The following DLGAP5 variants were observed in gnomAD, a reference collection of about 807,000 sequenced individuals.
The protein encoded by DLGAP5 is disks large-associated protein 5.
Under a neutral mutation model 99.6 loss-of-function variants are expected in DLGAP5, and 90 were observed. The ratio of observed to expected loss-of-function variants is 0.90; its 90% CI spans 0.76 to 1.08. The LOEUF (loss-of-function observed/expected upper bound fraction) is 1.08, where lower values mean the gene tolerates loss of function less well. Ranked by LOEUF, DLGAP5 falls within the 50% of genes least tolerant of loss-of-function variation. DLGAP5 has a pLI of 0.00. For missense variants in DLGAP5, 1,036 were observed against 983.5 expected (o/e 1.05, Z -0.71); for synonymous variants, 311 against 321.3 (o/e 0.97, Z 0.34).
At position 55,187,159 on chromosome 14, in the gene DLGAP5, C is replaced by T. The variant is rs561062669; in HGVS notation, c.238+1783G>A. On this transcript the variant is annotated intron_variant, in intron 2 of 18. Transcript: ENST00000247191. ...GACCTCGTGATCCACTCACCTTAGCCTGGGGTACTGGGATTATAGGTATGA... is the reference window on the plus strand; with the variant it reads ...GACCTCGTGATCCACTCACCTTAGCTTGGGGTACTGGGATTATAGGTATGA... Among the ~76,000 whole-genome samples, 5 of 152,006 alleles carry T rather than the reference C, an allele frequency of 3.3e-5. No individual in the cohort carries two copies. The South Asian group carries it at 1.0e-3, about 32-fold the overall frequency.
chr14:55,168,201 T>C (rs749297814), intron 12 of DLGAP5, among the ~76,000 whole-genome samples: 1 of 152,130 alleles, frequency 6.6e-6, no homozygotes, highest in Non-Finnish European at 1.5e-5. Flanking sequence ...GATCCTCCCA[T>C]CTCAGCCTCC....
Position 55,177,139 on chromosome 14 carries a change from T to G in DLGAP5, c.972A>C (p.Gln324His), listed in dbSNP as rs8010791. Reference sequence around the variant, plus strand: ...CACTTCTGGGAGTCATAGGTGTTACTTGATAGGTCTTCAGACCATCCAGTG... The same window carrying G: ...CACTTCTGGGAGTCATAGGTGTTACGTGATAGGTCTTCAGACCATCCAGTG... ...FQPLDGLKTY[Q>H]VTPMTPRSAN... is the part of the protein sequence containing the mutation. The change falls in exon 8 of 19, where the codon CAA becomes CAC. Residue 324 changes from glutamine to histidine, a missense_variant. Gln to His is a conservative substitution (Grantham distance 24, BLOSUM62 0). Transcript: ENST00000247191. 0.026 allele frequency: 40,777 copies of G among 1,598,992 alleles called. 2,984 individuals are homozygous for G. The highest frequency in any genetic ancestry group is 0.25 in the African/African-American group (18,852 of 74,062).
Position 55,154,699 on chromosome 14 carries a change from T to C in DLGAP5, c.1981A>G (p.Thr661Ala), listed in dbSNP as rs759308831. ...TGAGGACCGGCATTTTCTGGTGATG[T>C]AGTTTGTTGTGGAATGCCCATCTCA... The part of the protein sequence containing the change: ...RNEMGIPQQT[T>A]SPENAGPQNT... The change falls in exon 15 of 19, where the codon ACA becomes GCA. Residue 661 changes from threonine to alanine, a missense_variant. Coordinates refer to ENST00000247191, the MANE Select transcript of DLGAP5 (RefSeq NM_014750.5). The C allele has an allele frequency of 1.2e-6, 2 of 1,614,124 alleles. No individual in the cohort carries two copies. The highest frequency in any genetic ancestry group is 1.7e-6 in the Non-Finnish European group (2 of 1,179,988).
Position 55,151,827 on chromosome 14 carries a change from A to T in DLGAP5, c.2236T>A (p.Ser746Thr), listed in dbSNP as rs554990547. 1 of 1,614,028 alleles carries T rather than the reference A, an allele frequency of 6.2e-7. No individual in the cohort carries two copies. The highest frequency in any genetic ancestry group is 8.5e-7 in the Non-Finnish European group (1 of 1,179,982). ...DINTNKKEGI[S>T]DVVEGMELNS... ...AGTTCCATTCCTTCCACAACATCTG[A>T]AATTCCTTCTTTTTTGTTAGTATTA... The change falls in exon 17 of 19, where the codon TCA (serine) becomes ACA (threonine). Residue 746 changes from serine (S) to threonine (T), a missense_variant. Physicochemically the swap from Ser to Thr is moderately conservative, Grantham distance 58. Coordinates refer to ENST00000247191, the MANE Select transcript of DLGAP5 (RefSeq NM_014750.5).
chr14:55,166,847 G>A (rs567658985), intron 12 of DLGAP5, among the ~76,000 whole-genome samples: 1 of 150,548 alleles, frequency 6.6e-6, no homozygotes, highest in Admixed American at 6.6e-5. Flanking sequence ...TTTATCATAT[G>A]TAAATTATAC....
At chr14:55,181,324 A>G (rs758194372) in intron 4 of DLGAP5, 27 bp from the exon 5 acceptor site, 17 of 1,561,814 alleles carry the variant, frequency 1.1e-5, no homozygotes, top group Middle Eastern at 3.3e-4. Context: ...GTGCTATGTG[A>G]TTTAATTGCA....
At chr14:55,170,210 G>C (rs1594673890) in intron 11 of DLGAP5, among the ~76,000 whole-genome samples, 3 of 149,446 alleles carry the variant, frequency 2.0e-5, no homozygotes, top group Admixed American at 2.0e-4. Context: ...AATTATCTAA[G>C]AAGGACTTCA....
chr14:55,164,022 T>C (rs1457074223), intron 12 of DLGAP5, among the ~76,000 whole-genome samples: 1 of 152,252 alleles, frequency 6.6e-6, no homozygotes, highest in Non-Finnish European at 1.5e-5. Context: ...GATACAAGTG[T>C]ATTTAATAGG....
intron 12 of DLGAP5, among the ~76,000 whole-genome samples, chr14:55,163,337 T>A (rs551578550): frequency 1.3e-5 from 2 of 152,350 alleles, no homozygotes; most frequent in African/African-American, 4.8e-5. Flanking sequence ...ACTAAAATGC[T>A]AAAATGGTAG....
intron 12 of DLGAP5, among the ~76,000 whole-genome samples, chr14:55,167,639 C>T (rs1055841726): frequency 3.3e-5 from 5 of 152,164 alleles, no homozygotes; most frequent in African/African-American, 7.2e-5. Context: ...AGGACATTCT[C>T]ATTTTCCTGA....
chr14:55,178,074 A>G (rs568039365), intron 7 of DLGAP5, among the ~76,000 whole-genome samples: 30 of 140,518 alleles, frequency 2.1e-4, no homozygotes, highest in African/African-American at 7.8e-4. Context: ...AACACAGCAA[A>G]ACCCCGTCTT....
intron 18 of DLGAP5, among the ~76,000 whole-genome samples, chr14:55,148,861 G>A (rs1277508138): frequency 2.0e-5 from 3 of 152,074 alleles, no homozygotes; most frequent in African/African-American, 7.2e-5. Context: ...ATATGTAAAT[G>A]GACTCAAGCA....
chr14:55,188,645 G>T (rs999860454), intron 2 of DLGAP5, among the ~76,000 whole-genome samples: 3 of 151,958 alleles, frequency 2.0e-5, no homozygotes, highest in Non-Finnish European at 4.4e-5. Context: ...AGGCGCGGTG[G>T]CTCACACCTG....
intron 15 of DLGAP5, among the ~76,000 whole-genome samples, chr14:55,153,775 A>T (rs1258649635): frequency 6.6e-6 from 1 of 151,590 alleles, no homozygotes; most frequent in Non-Finnish European, 1.5e-5. Flanking sequence ...TATACAAAGT[A>T]GGCCGGGCAT....
intron 10 of DLGAP5, among the ~76,000 whole-genome samples, chr14:55,174,198 C>T (rs991203068): frequency 4.6e-5 from 7 of 152,268 alleles, no homozygotes; most frequent in East Asian, 1.9e-4. Context: ...CTCTTACTGT[C>T]GAAACTGCAG....
intron 7 of DLGAP5, among the ~76,000 whole-genome samples, chr14:55,177,837 C>G (rs1040850033): frequency 4.0e-5 from 6 of 151,480 alleles, no homozygotes; most frequent in African/African-American, 1.5e-4. Flanking sequence ...GCACCCACCC[C>G]GAACCAATTC....
intron 2 of DLGAP5, among the ~76,000 whole-genome samples, chr14:55,187,878 G>T (rs1396042194): frequency 6.6e-6 from 1 of 152,070 alleles, no homozygotes; most frequent in Non-Finnish European, 1.5e-5. Context: ...TTATAATGAT[G>T]GTCCTTAGGA....
intron 12 of DLGAP5, among the ~76,000 whole-genome samples, chr14:55,166,168 T>C (rs559315125): frequency 1.3e-5 from 2 of 152,218 alleles, no homozygotes; most frequent in Non-Finnish European, 2.9e-5. Context: ...AATTGGTGAA[T>C]AGTGATATAT....
chr14:55,154,660 C>A lies in DLGAP5; in HGVS notation c.2020G>T (p.Glu674Ter). 1 of 1,614,096 alleles carries A rather than the reference C, an allele frequency of 6.2e-7. No individual in the cohort carries two copies. Among genetic ancestry groups the A allele is most frequent in the Non-Finnish European group, 8.5e-7 (1 of 1,179,992 alleles). ...ENAGPQNTKS[E>*]HVKKTLFLSI... ...AAAAACAAAGTCTTCTTCACATGTT[C>A]ACTTTTCGTATTCTGAGGACCGGCA... The change falls in exon 15 of 19, where the codon GAA (glutamate) becomes TAA (stop). Residue 674 changes from glutamate (E) to a stop codon, truncating the protein, a stop_gained. Coordinates refer to ENST00000247191, the MANE Select transcript of DLGAP5 (RefSeq NM_014750.5). LOFTEE classifies it high-confidence loss of function.
Sources: gnomAD v4.1 joint callset for allele counts (sites outside exome capture counted in the v4.1 genomes callset) on GRCh38, gnomAD v4.1.1 for gene constraint, MANE v1.5 for transcripts, NCBI Gene and HGNC (gene_info 2026-07-23, HGNC 2026-07-21) for gene names.